SRBD1: variants seen among roughly 807,000 people sequenced by gnomAD.
SRBD1 encodes S1 RNA binding domain 1.
SRBD1 carries 88 observed loss-of-function variants against 115.3 expected under a neutral mutation model. That is an observed-to-expected ratio of 0.76 (90% CI 0.64 to 0.91). SRBD1 has a LOEUF of 0.91. SRBD1 is among the 40% of genes least tolerant of loss of function. The pLI is 0.00. For missense variants in SRBD1, 1,385 were observed against 1,177.4 expected, an observed-to-expected ratio of 1.18 and a Z score of -2.58; for synonymous variants, 509 against 407.7, an observed-to-expected ratio of 1.25 and a Z score of -2.99.
At chr2:45,425,110 C>G (rs1157813263) in intron 16 of SRBD1, among the ~76,000 whole-genome samples, 2 of 152,154 alleles carry the variant, frequency 1.3e-5, no homozygotes, top group African/African-American at 4.8e-5. Flanking sequence ...AATCAAGAAT[C>G]AGAAATTTCC....
rs774409408 is a variant in SRBD1, at chr2:45,389,486, T to C, written c.2812A>G (p.Ile938Val). 6.2e-7 allele frequency: 1 copy of C among 1,613,970 alleles called. No homozygotes were observed. The highest frequency in any genetic ancestry group is 1.3e-5 in the African/African-American group (1 of 74,938). ...ATCAGCCCAGATTTCCCCACTCCTATATCCACAAAAATTCCAAAGAGAGTG... is the reference window on the plus strand; with the variant it reads ...ATCAGCCCAGATTTCCCCACTCCTACATCCACAAAAATTCCAAAGAGAGTG... Reference protein sequence around the residue: ...NATLFGIFVDIGVGKSGLIPI... With the variant: ...NATLFGIFVDVGVGKSGLIPI... Residue 938 changes from isoleucine (I) to valine (V), a missense_variant, in exon 21 of 21, where the codon ATA becomes GTA. Ile to Val is a conservative substitution (Grantham distance 29). Coordinates refer to ENST00000263736, the MANE Select transcript of SRBD1 (RefSeq NM_018079.5).
intron 14 of SRBD1, among the ~76,000 whole-genome samples, chr2:45,498,555 C>T (rs997096760): frequency 2.6e-5 from 4 of 152,112 alleles, no homozygotes; most frequent in Non-Finnish European, 5.9e-5. Context: ...GAGAACATTA[C>T]AATTCTCTTC....
intron 16 of SRBD1, among the ~76,000 whole-genome samples, chr2:45,449,747 T>C (rs770049904): frequency 2.0e-5 from 3 of 152,230 alleles, no homozygotes; most frequent in African/African-American, 4.8e-5. Flanking sequence ...TGTGCTCTTA[T>C]GGATATGCTG....
chr2:45,488,587 G>A (rs549576823), intron 14 of SRBD1, among the ~76,000 whole-genome samples: 1 of 152,112 alleles, frequency 6.6e-6, no homozygotes, highest in African/African-American at 2.4e-5. Context: ...TGCTTTCTCT[G>A]TCACTGGTAA....
intron 16 of SRBD1, among the ~76,000 whole-genome samples, chr2:45,455,705 C>T (rs937380332): frequency 1.3e-5 from 2 of 151,654 alleles, no homozygotes; most frequent in Admixed American, 6.6e-5. Context: ...TTAGTTAAAT[C>T]CTGCGAGTAC....
chr2:45,488,241 T>G lies in SRBD1; in HGVS notation c.1965A>C (p.Ala655=). 1 of 1,613,492 alleles carries G rather than the reference T, an allele frequency of 6.2e-7. No individual in the cohort carries two copies. Among genetic ancestry groups the G allele is most frequent in the Non-Finnish European group, 8.5e-7 (1 of 1,179,528 alleles). ...MPGLDPNLRS[A]VSIARRVQDP... Reference sequence around the variant, plus strand: ...TTGTGATGGTCCATAGTTTCTTACCTGCACTTCTCAAATTAGGGTCCAGCC... The same window carrying G: ...TTGTGATGGTCCATAGTTTCTTACCGGCACTTCTCAAATTAGGGTCCAGCC... The change falls in exon 15 of 21, where the codon GCA becomes GCC. Residue 655 remains alanine (A), a splice_region_variant and synonymous_variant. Transcript: ENST00000263736.
chr2:45,477,152 C>G, intron 15 of SRBD1, 77 bp from the exon 16 acceptor site: 1 of 1,196,530 alleles, frequency 8.4e-7, no homozygotes, highest in Non-Finnish European at 1.2e-6. Context: ...ATTAGTTTCT[C>G]ATAATGTAAG....
Position 45,599,637 on chromosome 2 carries a change from T to A in SRBD1, c.460A>T (p.Thr154Ser). The A allele has an allele frequency of 6.2e-7, 1 of 1,614,234 alleles. No individual in the cohort carries two copies. The highest frequency in any genetic ancestry group is 8.5e-7 in the Non-Finnish European group (1 of 1,180,040). Residue 154 changes from threonine to serine, a missense_variant, in exon 4 of 21, where the codon ACA (threonine) becomes TCA (serine). Physicochemically the swap from Thr to Ser is moderately conservative, Grantham distance 58. Transcript: ENST00000263736. The part of the protein sequence containing the change: ...NLEGESNSSE[T>S]PSTSTVWGGT... ...CCCCACACAGTGCTTGTGGATGGTG[T>A]CTCTGAACTATTACTCTCACCCTCT...
chr2:45,581,764 CCTT>C lies in SRBD1; in HGVS notation c.859_861del (p.Lys287del). 6.2e-7 allele frequency: 1 copy of C among 1,613,538 alleles called. No homozygotes were observed. The highest frequency in any genetic ancestry group is 8.5e-7 in the Non-Finnish European group (1 of 1,179,772). Reference sequence around the variant, plus strand: ...AACAAGCACTCAGACATCTTCCCTTCCTTCTTAATTTTCTGGATTGTACTATGA... The same window carrying C: ...AACAAGCACTCAGACATCTTCCCTTCCTTAATTTTCTGGATTGTACTATGA... On this transcript the variant is annotated inframe_deletion, in exon 6 of 21. Transcript: ENST00000263736.
chr2:45,546,164 A>T, intron 14 of SRBD1: 1 of 985,436 alleles, frequency 1.0e-6, no homozygotes, highest in Non-Finnish European at 1.2e-6. Flanking sequence ...AAGCAGAACT[A>T]CTACAAATGC....
intron 9 of SRBD1, among the ~76,000 whole-genome samples, chr2:45,565,773 G>A (rs904979620): frequency 6.6e-6 from 1 of 152,144 alleles, no homozygotes; most frequent in Non-Finnish European, 1.5e-5. Flanking sequence ...ACAATAAGGA[G>A]ACAAAACCCA....
chr2:45,544,036 C>T (rs991388105), intron 14 of SRBD1, among the ~76,000 whole-genome samples: 2 of 151,962 alleles, frequency 1.3e-5, no homozygotes, highest in Non-Finnish European at 2.9e-5. Flanking sequence ...CACCAAAGAT[C>T]CTGGCTAATA....
At position 45,562,683 on chromosome 2, in the gene SRBD1, T is replaced by C; in HGVS notation, c.1379A>G (p.Asp460Gly). Residue 460 changes from aspartate to glycine, a missense_variant, in exon 10 of 21, where the codon GAT (aspartate) becomes GGT (glycine). Asp to Gly is a moderately conservative substitution (Grantham distance 94). Coordinates refer to ENST00000263736, the MANE Select transcript of SRBD1 (RefSeq NM_018079.5). ...TTGGATGCACCACCTACAGAATTCA[T>C]CCTTCACTCCATCAGAAATATTGAC... ...VKVNISDGVK[D>G]EFCRWCIQNR... The C allele has an allele frequency of 2.5e-6, 4 of 1,611,552 alleles. No homozygotes were observed. The highest frequency in any genetic ancestry group is 1.7e-5 in the Admixed American group (1 of 59,170).
At chr2:45,508,234 GA>G (rs1231638250) in intron 14 of SRBD1, among the ~76,000 whole-genome samples, 2 of 151,972 alleles carry the variant, frequency 1.3e-5, no homozygotes, top group African/African-American at 4.8e-5. Context: ...AAGAGGAAAA[GA>G]AAAGTTACAG....
chr2:45,550,999 G>GT lies in SRBD1; in HGVS notation c.1675+125dup, dbSNP rs1672280402. On this transcript the variant is annotated intron_variant, in intron 12 of 20. Transcript: ENST00000263736. ...TGATTATCTGGTTCCCAACACCCCT[G>GT]TATGTGAGAAAACCACTTTTTAAGC... The GT allele has an allele frequency of 4.6e-6, 5 of 1,097,022 alleles. No homozygotes were observed. The African/African-American group carries it at 8.0e-5, about 18-fold the overall frequency. The allele number at this position is 1,097,022 out of a possible 1,614,324, so 68.0% of individuals were successfully genotyped here. A position where few individuals can be genotyped will look rare whatever the true frequency, so the allele number is the denominator to read the frequency against.
At chr2:45,512,985 A>G (rs963174355) in intron 14 of SRBD1, among the ~76,000 whole-genome samples, 1 of 152,096 alleles carries the variant, frequency 6.6e-6, no homozygotes, top group African/African-American at 2.4e-5. Flanking sequence ...TAAACACACA[A>G]ATTACCCCCA....
chr2:45,476,815 C>A (rs1669818010), intron 16 of SRBD1, among the ~76,000 whole-genome samples, 178 bp downstream of exon 16: 1 of 152,104 alleles, frequency 6.6e-6, no homozygotes, highest in East Asian at 1.9e-4. Flanking sequence ...AACACGAGAA[C>A]AACAATGACA....
intron 14 of SRBD1, among the ~76,000 whole-genome samples, chr2:45,516,005 A>AGG (rs1301361302): frequency 6.6e-6 from 1 of 152,110 alleles, no homozygotes; most frequent in African/African-American, 2.4e-5. Context: ...TGTGTTACCT[A>AGG]TGTTTTTCTT....
chr2:45,412,104 A>AAAAAC (rs767066660), intron 19 of SRBD1, among the ~76,000 whole-genome samples: 52 of 152,248 alleles, frequency 3.4e-4, no homozygotes, highest in Non-Finnish European at 4.4e-4. Context: ...ATCTTGTCTC[A>AAAAAC]AAAACAAAAC....
Sources: allele counts gnomAD v4.1 joint callset (sites outside exome capture counted in the v4.1 genomes callset), GRCh38; gene constraint gnomAD v4.1.1; transcripts MANE v1.5; gene names NCBI Gene and HGNC (gene_info 2026-07-23, HGNC 2026-07-21).